KHDRBS2: variants seen among roughly 807,000 people sequenced by gnomAD.
KHDRBS2 encodes the protein KH domain-containing, RNA-binding, signal transduction-associated protein 2.
A neutral mutation model predicts 44.3 loss-of-function variants in KHDRBS2; 26 were observed. That is an observed-to-expected ratio of 0.59 (90% CI 0.43 to 0.81). The LOEUF is 0.81. Among genes scored for constraint, KHDRBS2 ranks in the 40% least tolerant of loss-of-function variants. KHDRBS2 has a pLI of 0.00. For missense variants in KHDRBS2, 476 were observed against 433.1 expected, an observed-to-expected ratio of 1.10 and a Z score of -0.88; for synonymous variants, 194 against 151.1, an observed-to-expected ratio of 1.28 and a Z score of -2.08.
intron 4 of KHDRBS2, among the ~76,000 whole-genome samples, chr6:61,925,208 G>A (rs1375033866): frequency 6.6e-6 from 1 of 152,062 alleles, no homozygotes; most frequent in Non-Finnish European, 1.5e-5. Context: ...TATGTACTGT[G>A]TGCTGCAGTT....
At chr6:62,061,546 G>C (rs1228776113) in intron 2 of KHDRBS2, among the ~76,000 whole-genome samples, 5 of 148,970 alleles carry the variant, frequency 3.4e-5, no homozygotes, top group African/African-American at 1.2e-4. Flanking sequence ...GAGATCCGCT[G>C]TTAGTCTGAT....
intron 1 of KHDRBS2, among the ~76,000 whole-genome samples, chr6:62,241,346 T>C (rs755032496): frequency 6.6e-6 from 1 of 152,156 alleles, no homozygotes; most frequent in Non-Finnish European, 1.5e-5. Context: ...CTTTTTTATA[T>C]GATAAAAGAT....
intron 7 of KHDRBS2, among the ~76,000 whole-genome samples, chr6:61,717,586 G>A (rs1205330888): frequency 2.0e-5 from 3 of 152,030 alleles, no homozygotes; most frequent in East Asian, 1.9e-4. Context: ...AAACGAGGGC[G>A]AGTGACTTTA....
rs575460663 is a variant in KHDRBS2, at chr6:62,169,215, A to G, written c.219+7970T>C. 2.7e-5 allele frequency among the ~76,000 whole-genome samples: 4 copies of G among 148,560 alleles called. No individual in the cohort carries two copies. The South Asian group carries it at 8.4e-4, about 31-fold the overall frequency. On this transcript the variant is annotated intron_variant, in intron 2 of 8. Transcript: ENST00000281156. ...TATACATATATGTATATATATGTATATATACACACACACATATATATGTGT... is the reference window on the plus strand; with the variant it reads ...TATACATATATGTATATATATGTATGTATACACACACACATATATATGTGT...
At chr6:62,007,248 C>A (rs1237774177) in intron 3 of KHDRBS2, among the ~76,000 whole-genome samples, 1 of 152,038 alleles carries the variant, frequency 6.6e-6, no homozygotes, top group African/African-American at 2.4e-5. Context: ...TTCTGCTTAA[C>A]CTTTATTACT....
the KHDRBS2 span, among the ~76,000 whole-genome samples, chr6:61,554,830 T>C: frequency 6.6e-6 from 1 of 152,206 alleles, no homozygotes; most frequent in Non-Finnish European, 1.5e-5. Context: ...ATGCTGGATG[T>C]AGGCTCCTAA....
At chr6:61,922,707 C>A (rs189425047) in intron 4 of KHDRBS2, among the ~76,000 whole-genome samples, 1 of 151,958 alleles carries the variant, frequency 6.6e-6, no homozygotes. Flanking sequence ...ATTATCTCTA[C>A]GAGGGTGAAT....
chr6:61,967,204 CAAAAA>C (rs57036975), intron 4 of KHDRBS2, among the ~76,000 whole-genome samples: 3 of 123,636 alleles, frequency 2.4e-5, no homozygotes, highest in African/African-American at 8.7e-5. Context: ...ACTATGTTTA[CAAAAA>C]AAAAAAAAAA....
At chr6:62,060,143 G>T (rs527516974) in intron 2 of KHDRBS2, among the ~76,000 whole-genome samples, 1 of 151,668 alleles carries the variant, frequency 6.6e-6, no homozygotes, top group African/African-American at 2.4e-5. Context: ...CCCCAAGAGC[G>T]TAACAAATTT....
the KHDRBS2 span, among the ~76,000 whole-genome samples, chr6:61,616,529 A>G: frequency 2.7e-5 from 4 of 150,880 alleles, no homozygotes; most frequent in Non-Finnish European, 3.0e-5. Context: ...CATTAATAAC[A>G]TAAATTTTTT....
At chr6:61,904,525 C>T (rs1365567632) in intron 4 of KHDRBS2, among the ~76,000 whole-genome samples, 1 of 152,126 alleles carries the variant, frequency 6.6e-6, no homozygotes, top group African/African-American at 2.4e-5. Flanking sequence ...TGTAATTGAC[C>T]AAAGACTTCA....
At chr6:61,835,721 G>GTA (rs1792562257) in intron 6 of KHDRBS2, among the ~76,000 whole-genome samples, 1 of 151,386 alleles carries the variant, frequency 6.6e-6, no homozygotes. Context: ...GTGTGTGTGT[G>GTA]TGTGTGTGTG....
intron 6 of KHDRBS2, among the ~76,000 whole-genome samples, chr6:61,848,511 G>GTGTATATATATACA (rs1794841962): frequency 6.7e-5 from 2 of 30,074 alleles, no homozygotes; most frequent in African/African-American, 3.8e-4. Context: ...ATATATATAT[G>GTGTATATATATACA]TATATATGTA....
At chr6:62,025,068 C>G (rs1413717142) in intron 3 of KHDRBS2, among the ~76,000 whole-genome samples, 2 of 151,556 alleles carry the variant, frequency 1.3e-5, no homozygotes, top group Non-Finnish European at 3.0e-5. Context: ...ATGTCTATAT[C>G]TAGAAATCAG....
At chr6:61,565,498 G>T in the KHDRBS2 span, among the ~76,000 whole-genome samples, 411 of 152,104 alleles carry the variant, frequency 2.7e-3, no homozygotes, top group East Asian at 0.015. Flanking sequence ...TTTGTAAATG[G>T]GCAAAAGGTC....
chr6:61,597,733 T>TATATATATATATATATATATATATAC, the KHDRBS2 span, among the ~76,000 whole-genome samples: 2 of 27,982 alleles, frequency 7.1e-5, no homozygotes, highest in Non-Finnish European at 1.2e-4. Flanking sequence ...TTGCACCTTT[T>TATATATATATATATATATATATATAC]ATATATATAT....
intron 1 of KHDRBS2, among the ~76,000 whole-genome samples, chr6:62,264,548 A>G (rs1838877340): frequency 6.6e-6 from 1 of 151,698 alleles, no homozygotes; most frequent in Non-Finnish European, 1.5e-5. Context: ...CCTTTACTAT[A>G]GCCTTTATCC....
intron 1 of KHDRBS2, among the ~76,000 whole-genome samples, chr6:62,255,005 T>TA (rs1271601827): frequency 2.6e-5 from 4 of 152,108 alleles, no homozygotes; most frequent in Non-Finnish European, 4.4e-5. Context: ...CATGAGTTCT[T>TA]AAATATGTGC....
intron 1 of KHDRBS2, among the ~76,000 whole-genome samples, chr6:62,285,079 A>G (rs1391552709): frequency 6.6e-6 from 1 of 152,240 alleles, no homozygotes; most frequent in Non-Finnish European, 1.5e-5. Context: ...TTATTATAAC[A>G]TAAATGGAGT....
Sources: allele counts gnomAD v4.1 joint callset (sites outside exome capture counted in the v4.1 genomes callset), GRCh38; gene constraint gnomAD v4.1.1; transcripts MANE v1.5; gene names NCBI Gene and HGNC (gene_info 2026-07-23, HGNC 2026-07-21).